GRIK4: variants seen among roughly 807,000 people sequenced by gnomAD.
GRIK4 encodes the protein glutamate ionotropic receptor kainate type subunit 4.
Under a neutral mutation model 104.9 loss-of-function variants are expected in GRIK4, and 40 were observed. That is an observed-to-expected ratio of 0.38 (90% CI 0.30 to 0.50). The LOEUF is 0.50. Among genes scored for constraint, GRIK4 ranks in the 20% least tolerant of loss-of-function variants. The pLI is 0.93. For missense variants in GRIK4, 1,047 were observed against 1,308.1 expected, an observed-to-expected ratio of 0.80 and a Z score of 3.08; for synonymous variants, 485 against 524.9, an observed-to-expected ratio of 0.92 and a Z score of 1.04.
intron 3 of GRIK4, among the ~76,000 whole-genome samples, chr11:120,787,288 C>T (rs1006765428): frequency 6.6e-5 from 10 of 151,996 alleles, no homozygotes; most frequent in Non-Finnish European, 1.3e-4. Flanking sequence ...AAGATCGCAC[C>T]ACTGCACTCC....
At chr11:120,861,093 CTTT>C (rs547199127) in intron 8 of GRIK4, among the ~76,000 whole-genome samples, 18 of 86,542 alleles carry the variant, frequency 2.1e-4, no homozygotes, top group African/African-American at 7.1e-4. Flanking sequence ...AAATCATCCT[CTTT>C]TTTTTTTTTT....
intron 3 of GRIK4, among the ~76,000 whole-genome samples, chr11:120,684,774 G>A (rs370433739): frequency 2.0e-4 from 31 of 152,108 alleles, no homozygotes; most frequent in African/African-American, 7.0e-4. Flanking sequence ...GCAGTGGCGC[G>A]ATCTCAGCTC....
In GRIK4 at chr11:120,860,547, G is replaced by A. The variant is rs1954234397; in HGVS notation, c.745-1412G>A. On this transcript the variant is annotated intron_variant, in intron 8 of 20. Transcript: ENST00000527524. Reference sequence around the variant, plus strand: ...GATTTCCCTGACTGCGTCATCTAAAGTAGCAGTCCCTCACCCCAAGTCCCA... The same window carrying A: ...GATTTCCCTGACTGCGTCATCTAAAATAGCAGTCCCTCACCCCAAGTCCCA... Among the ~76,000 whole-genome samples the A allele has an allele frequency of 2.0e-5, 3 of 152,176 alleles. No individual in the cohort carries two copies. In the South Asian group the frequency reaches 6.2e-4, roughly 32 times the overall value.
At chr11:120,712,210 G>C (rs981241139) in intron 3 of GRIK4, among the ~76,000 whole-genome samples, 1 of 152,200 alleles carries the variant, frequency 6.6e-6, no homozygotes, top group African/African-American at 2.4e-5. Context: ...GTAGTGGAAG[G>C]CTTCTCAGAG....
At chr11:120,907,413 G>A (rs538109183) in intron 13 of GRIK4, among the ~76,000 whole-genome samples, 5 of 152,274 alleles carry the variant, frequency 3.3e-5, no homozygotes, top group East Asian at 1.9e-4. Context: ...GCCACACACC[G>A]AGTGACTTGA....
chr11:120,512,111 G>C (rs1047393611), intron 1 of GRIK4, among the ~76,000 whole-genome samples: 2 of 143,908 alleles, frequency 1.4e-5, no homozygotes, highest in Non-Finnish European at 3.0e-5. Context: ...TTCGGTCCCT[G>C]CGTCTCCAGA....
intron 1 of GRIK4, among the ~76,000 whole-genome samples, chr11:120,517,372 C>T (rs996217684): frequency 2.0e-5 from 3 of 148,850 alleles, no homozygotes; most frequent in South Asian, 2.2e-4. Flanking sequence ...CTCCTTGGTG[C>T]GATCCTCTCC....
At chr11:120,628,117 A>G (rs934047105) in intron 1 of GRIK4, among the ~76,000 whole-genome samples, 1 of 152,162 alleles carries the variant, frequency 6.6e-6, no homozygotes, top group African/African-American at 2.4e-5. Flanking sequence ...TGCTGGTGGC[A>G]GAGGGTGTGC....
At chr11:120,552,601 A>G (rs1376319276) in intron 1 of GRIK4, among the ~76,000 whole-genome samples, 1 of 152,204 alleles carries the variant, frequency 6.6e-6, no homozygotes, top group Non-Finnish European at 1.5e-5. Flanking sequence ...CAAGGAGTCA[A>G]ACTGGCTTTG....
At chr11:120,591,134 T>C (rs1412139103) in intron 1 of GRIK4, among the ~76,000 whole-genome samples, 1 of 151,878 alleles carries the variant, frequency 6.6e-6, no homozygotes. Flanking sequence ...AGGACCATGG[T>C]GTCTGAATTT....
At chr11:120,558,465 G>A (rs1439982824) in intron 1 of GRIK4, among the ~76,000 whole-genome samples, 1 of 152,214 alleles carries the variant, frequency 6.6e-6, no homozygotes, top group African/African-American at 2.4e-5. Flanking sequence ...GTGTGCGCCT[G>A]TAGTCCCAGC....
chr11:120,964,959 G>A (rs1007101568), intron 18 of GRIK4, among the ~76,000 whole-genome samples: 1 of 152,210 alleles, frequency 6.6e-6, no homozygotes, highest in African/African-American at 2.4e-5. Context: ...AGAAAGGACA[G>A]GATAGGTGGG....
In GRIK4 at chr11:120,666,775, C is replaced by A. The variant is rs575757746; in HGVS notation, c.82+6375C>A. Among the ~76,000 whole-genome samples, 3 of 152,266 alleles carry A rather than the reference C, an allele frequency of 2.0e-5. No homozygotes were observed. In the South Asian group the frequency reaches 6.2e-4, roughly 32 times the overall value. ...TGGATCGAGCAGCGTGGCCAGTGGA[C>A]CTGACTGGCAGTATTGGATTCAACA... On this transcript the variant is annotated intron_variant, in intron 3 of 20. Coordinates refer to ENST00000527524, the MANE Select transcript of GRIK4 (RefSeq NM_014619.5).
chr11:120,986,336 C>T lies in GRIK4; in HGVS notation c.*76C>T. ...GCGGGGCGGGCGCTGCTGTCAGCCG[C>T]CAGCCGGAACTTGTACAGCGTCGAC... On this transcript the variant is annotated 3_prime_UTR_variant, in exon 21 of 21. Transcript: ENST00000527524. 2 of 1,402,010 alleles carry T rather than the reference C, an allele frequency of 1.4e-6. No homozygotes were observed. Among genetic ancestry groups the T allele is most frequent in the Non-Finnish European group, 1.9e-6 (2 of 1,080,080 alleles). The allele number at this position is 1,402,010 out of a possible 1,614,324, so 86.8% of individuals were successfully genotyped here.
intron 3 of GRIK4, among the ~76,000 whole-genome samples, chr11:120,743,024 A>G (rs778642701): frequency 1.3e-5 from 2 of 152,184 alleles, no homozygotes; most frequent in Non-Finnish European, 2.9e-5. Context: ...TGAGGTCAGG[A>G]GTTCGAGACC....
At chr11:120,928,356 G>C (rs1943400809) in intron 13 of GRIK4, among the ~76,000 whole-genome samples, 1 of 152,116 alleles carries the variant, frequency 6.6e-6, no homozygotes, top group South Asian at 2.1e-4. Context: ...TACACAGGGA[G>C]TTGAATTTAA....
chr11:120,861,275 G>A (rs542270895), intron 8 of GRIK4, among the ~76,000 whole-genome samples: 77 of 151,826 alleles, frequency 5.1e-4, no homozygotes, highest in Non-Finnish European at 6.9e-4. Flanking sequence ...CATCCGGCTA[G>A]TTTTGTATTT....
intron 1 of GRIK4, among the ~76,000 whole-genome samples, chr11:120,614,057 T>A (rs1183969671): frequency 3.3e-5 from 5 of 152,174 alleles, no homozygotes; most frequent in Non-Finnish European, 7.3e-5. Context: ...ATATGTAAGC[T>A]CAGCCTGCAT....
intron 13 of GRIK4, among the ~76,000 whole-genome samples, chr11:120,918,251 G>A (rs1943152605): frequency 6.6e-6 from 1 of 152,102 alleles, no homozygotes; most frequent in South Asian, 2.1e-4. Context: ...CTCTGAGCTT[G>A]CCAAACTGGT....
Sources: allele counts gnomAD v4.1 joint callset (sites outside exome capture counted in the v4.1 genomes callset), GRCh38; gene constraint gnomAD v4.1.1; transcripts MANE v1.5; gene names NCBI Gene and HGNC (gene_info 2026-07-23, HGNC 2026-07-21).